Variants in DDHD1 observed in about 807,000 individuals in gnomAD.
The protein encoded by DDHD1 is DDHD domain containing 1.
In DDHD1, 49 loss-of-function variants were observed where a neutral mutation model predicts 96.4. The ratio of observed to expected loss-of-function variants is 0.51; its 90% CI spans 0.40 to 0.64. DDHD1 has a LOEUF of 0.64. Among genes scored for constraint, DDHD1 ranks in the 30% least tolerant of loss-of-function variants. The pLI, the probability that DDHD1 is intolerant of heterozygous loss-of-function variation, is 0.00. For synonymous variants in DDHD1, 442 were observed against 446.5 expected, an observed-to-expected ratio of 0.99 and a Z score of 0.13; for missense variants, 1,106 against 1,161.2, an observed-to-expected ratio of 0.95 and a Z score of 0.69.
chr14:53,053,175 A>C (rs911562502), intron 11 of DDHD1: 3 of 152,048 alleles, frequency 2.0e-5, no homozygotes, highest in South Asian at 4.1e-4. Flanking sequence ...ACCTTACAAA[A>C]TTCTTTGAAA....
rs781752855 is a variant in DDHD1 at position 53,152,392 on chromosome 14, C to A, written c.707G>T (p.Gly236Val). The change falls in exon 1 of 13, where the codon GGC (glycine) becomes GTC (valine). Residue 236 changes from glycine to valine, a missense_variant. Transcript: ENST00000673822. ...GTGCCCCGTCGTACTCTGGCAGAAG[C>A]CGCAGGCGCGGTCCTCATCGTCATC... Reference protein sequence around the residue: ...GEDDDEDRACGFCQSTTGHEP... With the variant: ...GEDDDEDRACVFCQSTTGHEP... 11 of 1,613,818 alleles carry A rather than the reference C, an allele frequency of 6.8e-6. No individual in the cohort carries two copies. Among genetic ancestry groups the A allele is most frequent in the African/African-American group, 4.0e-5 (3 of 74,944 alleles).
In DDHD1 at chr14:53,081,873, G is replaced by A. The variant is rs146735423; in HGVS notation, c.1290-8026C>T. Among the ~76,000 whole-genome samples, 422 of 151,714 alleles carry A rather than the reference G, an allele frequency of 2.8e-3. 1 individual carries two copies. The highest frequency in any genetic ancestry group is 9.8e-3 in the African/African-American group (404 of 41,374). On this transcript the variant is annotated intron_variant, in intron 4 of 12. Coordinates refer to ENST00000673822, the MANE Select transcript of DDHD1 (RefSeq NM_001160148.2). ...CTGTTAAGAAAAAAAAGAAAAGGAT[G>A]GAAGAAAAATGAAAAAATAATGAGG... is the stretch of plus-strand genomic sequence containing the variant.
chr14:53,096,016 C>T (rs58125594), intron 2 of DDHD1: 83,160 of 477,024 alleles, frequency 0.17, 7,689 homozygotes, highest in East Asian at 0.33. Flanking sequence ...ATACAATGGA[C>T]ACATTTAAAA....
Position 53,063,056 on chromosome 14 carries a change from A to T in DDHD1, c.1653T>A (p.Asn551Lys). 6.2e-7 allele frequency: 1 copy of T among 1,614,142 alleles called. No homozygotes were observed. ...GCAACTGTTCATACAGCCGAACTGG[A>T]TTCCAGCCAGTCATTATGTCATAAG... ...VITYDIMTGW[N>K]PVRLYEQLLQ... The change falls in exon 7 of 13, where the codon AAT becomes AAA. Residue 551 changes from asparagine (N) to lysine (K), a missense_variant. By Grantham distance (94) the Asn-to-Lys change is moderately conservative. This residue lies in a region of DDHD1 where 650 missense variants were observed against 758.8 expected (regional missense o/e 0.86). Transcript: ENST00000673822.
chr14:53,102,925 C>A, intron 2 of DDHD1: 2 of 1,132,518 alleles, frequency 1.8e-6, no homozygotes, highest in Non-Finnish European at 2.5e-6. Flanking sequence ...GTAGAGCTTG[C>A]CAAGAAACCT....
In DDHD1 at chr14:53,055,653, A is replaced by T. The variant is rs774518760; in HGVS notation, c.2245+7T>A. 3 of 1,613,560 alleles carry T rather than the reference A, an allele frequency of 1.9e-6. No homozygotes were observed. The South Asian group carries it at 3.3e-5, about 18-fold the overall frequency. On this transcript the variant is annotated splice_region_variant and intron_variant, in intron 10 of 12. Coordinates refer to ENST00000673822, the MANE Select transcript of DDHD1 (RefSeq NM_001160148.2). ...TGCATAGATAAGGAATACATAAGAG[A>T]AATTACCTAATATGCTTGCTTTGCC...
Position 53,153,260 on chromosome 14 carries a change from C to T in DDHD1, c.-162G>A, listed in dbSNP as rs1011900004. Reference sequence around the variant, plus strand: ...CGGCGACCGCTCCGCCCCCACGAGACCCGCAGCCGCCGCAGCTGCGTTCTG... The same window carrying T: ...CGGCGACCGCTCCGCCCCCACGAGATCCGCAGCCGCCGCAGCTGCGTTCTG... On this transcript the variant is annotated 5_prime_UTR_variant, in exon 1 of 13. Transcript: ENST00000673822. 1.9e-6 allele frequency: 1 copy of T among 537,994 alleles called. No homozygotes were observed. 33.3% of individuals were successfully genotyped at this position (537,994 alleles called of 1,614,324 possible).
intron 1 of DDHD1, 131 bp downstream of exon 1, chr14:53,152,130 C>CAGGTGTAG: frequency 2.3e-6 from 2 of 883,964 alleles, no homozygotes; most frequent in Admixed American, 3.7e-5. Flanking sequence ...GCTCAATCTC[C>CAGGTGTAG]ATCCTGCCCC....
intron 4 of DDHD1, among the ~76,000 whole-genome samples, chr14:53,088,804 T>C (rs1224542711): frequency 6.6e-6 from 1 of 152,196 alleles, no homozygotes; most frequent in Admixed American, 6.5e-5. Flanking sequence ...CTACATAGTG[T>C]TGGAAGTTCT....
chr14:53,129,663 G>T (rs1240627211), intron 1 of DDHD1, among the ~76,000 whole-genome samples: 1 of 151,882 alleles, frequency 6.6e-6, no homozygotes, highest in African/African-American at 2.4e-5. Context: ...CTTTTCTCTG[G>T]GCTTGCCTCT....
chr14:53,096,209 T>C, intron 2 of DDHD1: 1 of 984,740 alleles, frequency 1.0e-6, no homozygotes, highest in Non-Finnish European at 1.2e-6. Context: ...GGGAGGGAGG[T>C]GGTAGACAAC....
chr14:53,068,469 T>A (rs955204592), intron 6 of DDHD1, among the ~76,000 whole-genome samples: 2 of 152,248 alleles, frequency 1.3e-5, no homozygotes, highest in African/African-American at 4.8e-5. Context: ...CAGGCTGGTC[T>A]AGAACTCCAT....
In DDHD1 at chr14:53,112,307, C is replaced by T. The variant is rs1472117534; in HGVS notation, c.839-8451G>A. ...TGGCACACTCCTGTAGTCCCAACTA[C>T]TTGGGAGGCTGAGGCAGAAGAATCG... is the stretch of plus-strand genomic sequence containing the variant. On this transcript the variant is annotated intron_variant, in intron 1 of 12. Coordinates refer to ENST00000673822, the MANE Select transcript of DDHD1 (RefSeq NM_001160148.2). 2.6e-5 allele frequency among the ~76,000 whole-genome samples: 4 copies of T among 152,040 alleles called. No individual in the cohort carries two copies. The South Asian group carries it at 6.2e-4, about 24-fold the overall frequency.
chr14:53,105,838 C>T (rs1887647765), intron 1 of DDHD1, among the ~76,000 whole-genome samples: 1 of 152,000 alleles, frequency 6.6e-6, no homozygotes, highest in African/African-American at 2.4e-5. Flanking sequence ...GTTTGTTATT[C>T]ATACGTATTC....
chr14:53,112,990 C>T (rs866412622), intron 1 of DDHD1, among the ~76,000 whole-genome samples: 11 of 152,212 alleles, frequency 7.2e-5, no homozygotes, highest in South Asian at 4.1e-4. Context: ...GACACAGTCT[C>T]ACTCTGTCAT....
At chr14:53,139,529 T>C (rs1287822668) in intron 1 of DDHD1, among the ~76,000 whole-genome samples, 1 of 151,872 alleles carries the variant, frequency 6.6e-6, no homozygotes, top group Non-Finnish European at 1.5e-5. Context: ...CAAACACAGA[T>C]CAACTCCCAA....
In DDHD1 at chr14:53,103,738, C is replaced by G; in HGVS notation, c.957G>C (p.Gln319His). The part of the protein sequence containing the change: ...EQEHLNCFRG[Q>H]QMQENFDIEV... Reference sequence around the variant, plus strand: ...CAATATCGAAATTTTCCTGCATCTGCTGGCCCCTAAAACAATTGAGATGTT... The same window carrying G: ...CAATATCGAAATTTTCCTGCATCTGGTGGCCCCTAAAACAATTGAGATGTT... Residue 319 changes from glutamine (Q) to histidine (H), a missense_variant, in exon 2 of 13, where the codon CAG (glutamine) becomes CAC (histidine). Around this residue, in one of 2 missense-constraint regions of DDHD1, gnomAD observed 650 missense variants for 758.8 expected, o/e 0.86. Coordinates refer to ENST00000673822, the MANE Select transcript of DDHD1 (RefSeq NM_001160148.2). 1 of 1,613,302 alleles carries G rather than the reference C, an allele frequency of 6.2e-7. No individual in the cohort carries two copies. Among genetic ancestry groups the G allele is most frequent in the Admixed American group, 1.7e-5 (1 of 59,830 alleles).
chr14:53,086,845 G>A (rs910634502), intron 4 of DDHD1, among the ~76,000 whole-genome samples: 2 of 151,812 alleles, frequency 1.3e-5, no homozygotes, highest in Non-Finnish European at 1.5e-5. Flanking sequence ...CCAGTTAAAA[G>A]ATACAGACTG....
chr14:53,058,314 C>T (rs987413872), intron 9 of DDHD1, among the ~76,000 whole-genome samples, 163 bp downstream of exon 9: 14 of 151,756 alleles, frequency 9.2e-5, no homozygotes, highest in African/African-American at 3.1e-4. Flanking sequence ...GAGGTTTCAC[C>T]ACATTGGTCA....
Sources: gnomAD v4.1 joint callset for allele counts (sites outside exome capture counted in the v4.1 genomes callset) on GRCh38, gnomAD v4.1.1 for gene constraint, gnomAD v4.1.1 regional missense constraint, MANE v1.5 for transcripts, NCBI Gene and HGNC (gene_info 2026-07-23, HGNC 2026-07-21) for gene names.